MCTP2: variants seen among roughly 807,000 people sequenced by gnomAD.
MCTP2 encodes the protein multiple C2 and transmembrane domain-containing protein 2.
Under a neutral mutation model 111.6 loss-of-function variants are expected in MCTP2, and 132 were observed. That is an observed-to-expected ratio of 1.18 (90% CI 1.03 to 1.37). The LOEUF (loss-of-function observed/expected upper bound fraction) is 1.37, where lower values mean the gene tolerates loss of function less well. MCTP2 is among the 40% of genes most tolerant of loss of function. MCTP2 has a pLI of 0.00. For missense variants in MCTP2, 1,183 were observed against 1,067.9 expected, an observed-to-expected ratio of 1.11 and a Z score of -1.50; for synonymous variants, 395 against 387.7, an observed-to-expected ratio of 1.02 and a Z score of -0.22.
chr15:94,278,836 G>A (rs766511097), intron 1 of MCTP2, among the ~76,000 whole-genome samples: 2 of 152,080 alleles, frequency 1.3e-5, no homozygotes, highest in African/African-American at 2.4e-5. Context: ...TTGGTTTCCT[G>A]TTCCTTTATT....
chr15:94,464,254 ATAT>A lies in MCTP2; in HGVS notation c.2360+6012_2360+6014del, dbSNP rs1296922389. On this transcript the variant is annotated intron_variant, in intron 20 of 22. Transcript: ENST00000357742. ...TTATATATATAATATATATATATAT[ATAT>A]TATATATATATATATATATATAAAC... 1.1e-3 allele frequency among the ~76,000 whole-genome samples: 60 copies of A among 56,742 alleles called. 1 individual carries two copies. The highest frequency in any genetic ancestry group is 3.7e-3 in the African/African-American group (55 of 15,018). 37.2% of individuals were successfully genotyped at this position (56,742 alleles called of 152,430 possible).
At chr15:94,409,253 G>A (rs2082041270) in intron 17 of MCTP2, among the ~76,000 whole-genome samples, 4 of 152,106 alleles carry the variant, frequency 2.6e-5, no homozygotes, top group Admixed American at 2.6e-4. Flanking sequence ...CTCCCATGCT[G>A]GTTGCCTCCT....
intron 17 of MCTP2, chr15:94,402,221 G>GTA (rs72647777): frequency 0.11 from 94,771 of 892,846 alleles, 5,507 homozygotes; most frequent in African/African-American, 0.13. Context: ...CACTACTGTT[G>GTA]TATATATATG....
chr15:94,358,084 C>G (rs1406366275), intron 9 of MCTP2, among the ~76,000 whole-genome samples: 1 of 152,210 alleles, frequency 6.6e-6, no homozygotes, highest in African/African-American at 2.4e-5. Flanking sequence ...AGTTAGTAAG[C>G]TAGCATTGAA....
intron 1 of MCTP2, among the ~76,000 whole-genome samples, chr15:94,245,576 A>G (rs1344918066): frequency 1.4e-5 from 2 of 144,184 alleles, no homozygotes; most frequent in African/African-American, 2.5e-5. Flanking sequence ...ATGTATATAT[A>G]CGTATATGTA....
intron 17 of MCTP2, among the ~76,000 whole-genome samples, chr15:94,433,593 A>G (rs926322754): frequency 3.3e-5 from 5 of 152,198 alleles, no homozygotes; most frequent in South Asian, 2.1e-4. Context: ...TGTGGACAAG[A>G]CTTTTGTGAG....
intron 21 of MCTP2, among the ~76,000 whole-genome samples, chr15:94,473,288 G>A (rs1363014228): frequency 6.6e-6 from 1 of 152,128 alleles, no homozygotes; most frequent in Non-Finnish European, 1.5e-5. Context: ...CCACATTTAT[G>A]TAAGAGATCT....
intron 1 of MCTP2, among the ~76,000 whole-genome samples, chr15:94,281,525 G>A (rs959764562): frequency 6.6e-6 from 1 of 152,124 alleles, no homozygotes; most frequent in Non-Finnish European, 1.5e-5. Context: ...GCCACTCTGG[G>A]TCTTTTAAGT....
intron 17 of MCTP2, among the ~76,000 whole-genome samples, chr15:94,438,432 G>A (rs1455401470): frequency 6.6e-6 from 1 of 152,052 alleles, no homozygotes; most frequent in African/African-American, 2.4e-5. Flanking sequence ...AAAAGAACAC[G>A]AGCGTCTATG....
At chr15:94,328,275 C>CT (rs2076974150) in intron 4 of MCTP2, among the ~76,000 whole-genome samples, 1 of 151,692 alleles carries the variant, frequency 6.6e-6, no homozygotes, top group South Asian at 2.1e-4. Context: ...ACTACAGGTG[C>CT]CCGCCACCAC....
At position 94,261,459 on chromosome 15, in the gene MCTP2, C is replaced by T. The variant is rs544417491; in HGVS notation, c.-66+29795C>T. ...CTACCATCAAAAACCAACCGGTGGC[C>T]AGGCAGGCTGTAATGTATAAAGTAG... On this transcript the variant is annotated intron_variant, in intron 1 of 22. Transcript: ENST00000357742. 8.6e-4 allele frequency among the ~76,000 whole-genome samples: 131 copies of T among 152,294 alleles called. 1 individual carries two copies. Among genetic ancestry groups the T allele is most frequent in the Middle Eastern group, 3.4e-3 (1 of 294 alleles).
intron 19 of MCTP2, among the ~76,000 whole-genome samples, chr15:94,447,406 G>GT (rs1021766021): frequency 3.3e-5 from 5 of 152,072 alleles, no homozygotes; most frequent in Non-Finnish European, 7.4e-5. Flanking sequence ...TTGTTTGTTT[G>GT]TTTTTTGAGA....
At position 94,435,267 on chromosome 15, in the gene MCTP2, C is replaced by T. The variant is rs192328830; in HGVS notation, c.2086-4909C>T. On this transcript the variant is annotated intron_variant, in intron 17 of 22. Coordinates refer to ENST00000357742, the MANE Select transcript of MCTP2 (RefSeq NM_001385001.1). ...GTGAATAACTGCCACCTTAACAATACCAAATCTTCCACTCCATGAACTAGG... is the reference window on the plus strand; with the variant it reads ...GTGAATAACTGCCACCTTAACAATATCAAATCTTCCACTCCATGAACTAGG... Among the ~76,000 whole-genome samples the T allele has an allele frequency of 2.6e-5, 4 of 152,250 alleles. No homozygotes were observed. The East Asian group carries it at 7.7e-4, about 29-fold the overall frequency.
At chr15:94,359,994 A>C (rs569229528) in intron 10 of MCTP2, among the ~76,000 whole-genome samples, 60 of 152,256 alleles carry the variant, frequency 3.9e-4, no homozygotes, top group African/African-American at 1.4e-3. Flanking sequence ...CCTGGCTCTC[A>C]CCTGCCTGAT....
chr15:94,339,512 C>G, intron 5 of MCTP2, 80 bp downstream of exon 5: 3 of 1,052,366 alleles, frequency 2.9e-6, no homozygotes, highest in Non-Finnish European at 3.9e-6. Flanking sequence ...TAGACGTGAA[C>G]TTGCCAAAAT....
At position 94,440,286 on chromosome 15, in the gene MCTP2, C is replaced by A. The variant is rs1191737529; in HGVS notation, c.2196C>A (p.Ile732=). The change falls in exon 18 of 23, where the codon ATC becomes ATA. Residue 732 remains isoleucine, a synonymous_variant. Coordinates refer to ENST00000357742, the MANE Select transcript of MCTP2 (RefSeq NM_001385001.1). ...IRPVKGKVSS[I]QDSQESTDID... ...CTGTGAAAGGCAAGGTCAGCAGCAT[C>A]CAGGACAGCCAGGTAAGCAAGGATT... 1 of 1,613,704 alleles carries A rather than the reference C, an allele frequency of 6.2e-7. No individual in the cohort carries two copies. The highest frequency in any genetic ancestry group is 8.5e-7 in the Non-Finnish European group (1 of 1,179,928).
chr15:94,466,967 ACTTT>A (rs765065058), intron 20 of MCTP2, among the ~76,000 whole-genome samples: 3 of 152,186 alleles, frequency 2.0e-5, no homozygotes, highest in Non-Finnish European at 2.9e-5. Context: ...GATATCAATA[ACTTT>A]CTTTCCATAT....
At chr15:94,321,279 A>C (rs941645632) in intron 4 of MCTP2, among the ~76,000 whole-genome samples, 9 of 152,212 alleles carry the variant, frequency 5.9e-5, no homozygotes, top group African/African-American at 2.2e-4. Context: ...AATTTATTGT[A>C]TATTTCAAAA....
Position 94,399,064 on chromosome 15 carries a change from T to G in MCTP2, c.1890+2T>G. ...GAGATGGACCTTATATATAATCCGG[T>G]AAGTCTAGCTGGGTCATACTTCCCG... On this transcript the variant is annotated splice_donor_variant, in intron 15 of 22. Transcript: ENST00000357742. LOFTEE classifies it high-confidence loss of function. 7.0e-7 allele frequency: 1 copy of G among 1,434,108 alleles called. No homozygotes were observed. The highest frequency in any genetic ancestry group is 9.8e-7 in the Non-Finnish European group (1 of 1,017,060). The allele number at this position is 1,434,108 out of a possible 1,614,324, so 88.8% of individuals were successfully genotyped here.
Sources: gnomAD v4.1 joint callset for allele counts (sites outside exome capture counted in the v4.1 genomes callset) on GRCh38, gnomAD v4.1.1 for gene constraint, MANE v1.5 for transcripts, NCBI Gene and HGNC (gene_info 2026-07-23, HGNC 2026-07-21) for gene names.